Variants in NXPH1 observed in about 807,000 individuals in gnomAD.
NXPH1 encodes neurexophilin 1, also known as neurexophilin-1.
NXPH1 carries 5 observed loss-of-function variants against 23.7 expected under a neutral mutation model. That is an observed-to-expected ratio of 0.21 (90% CI 0.11 to 0.44). The LOEUF (loss-of-function observed/expected upper bound fraction) is 0.44, where lower values mean the gene tolerates loss of function less well. Among genes scored for constraint, NXPH1 ranks in the 20% least tolerant of loss-of-function variants. NXPH1 has a pLI of 0.99. For missense variants in NXPH1, 324 were observed against 321.6 expected, an observed-to-expected ratio of 1.01 and a Z score of -0.06; for synonymous variants, 144 against 122.2, an observed-to-expected ratio of 1.18 and a Z score of -1.18.
In NXPH1 at chr7:8,596,742, G is replaced by A. The variant is rs933476252; in HGVS notation, c.55-154266G>A. 1.1e-4 allele frequency among the ~76,000 whole-genome samples: 16 copies of A among 152,194 alleles called. 1 individual carries two copies. The highest frequency in any genetic ancestry group is 3.9e-4 in the African/African-American group (16 of 41,546). The stretch of plus-strand genomic sequence containing the variant: ...CAGAGAGGTTAGGTGACTTGCCCAG[G>A]TCATGCAGTTGATAAAGGCTGATGT... On this transcript the variant is annotated intron_variant, in intron 2 of 2. Coordinates refer to ENST00000405863, the MANE Select transcript of NXPH1 (RefSeq NM_152745.3).
intron 2 of NXPH1, among the ~76,000 whole-genome samples, chr7:8,674,412 C>G (rs1168694459): frequency 6.6e-6 from 1 of 152,110 alleles, no homozygotes; most frequent in Non-Finnish European, 1.5e-5. Context: ...TATTACACTT[C>G]TCTGTGGACC....
chr7:8,719,092 T>C (rs1779923910), intron 2 of NXPH1, among the ~76,000 whole-genome samples: 1 of 152,238 alleles, frequency 6.6e-6, no homozygotes. Context: ...ATTGACTTTG[T>C]TTTTGGCATA....
chr7:8,678,919 CT>C (rs1820999965), intron 2 of NXPH1, among the ~76,000 whole-genome samples: 1 of 100,960 alleles, frequency 9.9e-6, no homozygotes, highest in Non-Finnish European at 2.0e-5. Flanking sequence ...TTTATCTTTG[CT>C]TTATCCAATT....
At chr7:8,448,693 T>G (rs1162124646) in intron 2 of NXPH1, among the ~76,000 whole-genome samples, 16 of 152,032 alleles carry the variant, frequency 1.1e-4, no homozygotes, top group African/African-American at 2.4e-5. Context: ...GGCACATGCC[T>G]GTAGTCCCAG....
intron 2 of NXPH1, among the ~76,000 whole-genome samples, chr7:8,703,616 G>T (rs990947426): frequency 1.3e-5 from 2 of 152,088 alleles, no homozygotes; most frequent in African/African-American, 4.8e-5. Context: ...TGATTGAAAT[G>T]AAGTGTCTGC....
chr7:8,445,965 C>T (rs1193509585), intron 2 of NXPH1, among the ~76,000 whole-genome samples: 1 of 152,206 alleles, frequency 6.6e-6, no homozygotes, highest in Non-Finnish European at 1.5e-5. Context: ...TTCAACTGAA[C>T]TTTAGAAAAT....
At chr7:8,447,336 C>A (rs1345769981) in intron 2 of NXPH1, among the ~76,000 whole-genome samples, 1 of 152,198 alleles carries the variant, frequency 6.6e-6, no homozygotes, top group Admixed American at 6.5e-5. Context: ...GAGAAAGATG[C>A]AAGCCACTGC....
Position 8,609,317 on chromosome 7 carries a change from A to G in NXPH1, c.55-141691A>G, listed in dbSNP as rs994308532. On this transcript the variant is annotated intron_variant, in intron 2 of 2. Coordinates refer to ENST00000405863, the MANE Select transcript of NXPH1 (RefSeq NM_152745.3). ...CTATTCTAAAATTATGGCAGGCACT[A>G]TACGTAAGGGCTTTATAGTTTACAT... Among the ~76,000 whole-genome samples, 6 of 152,306 alleles carry G rather than the reference A, an allele frequency of 3.9e-5. No homozygotes were observed. The South Asian group carries it at 1.2e-3, about 32-fold the overall frequency.
At chr7:8,738,268 C>T (rs190511306) in intron 2 of NXPH1, among the ~76,000 whole-genome samples, 3 of 152,284 alleles carry the variant, frequency 2.0e-5, no homozygotes, top group African/African-American at 4.8e-5. Context: ...TCTTTATCTA[C>T]CTTTGGTCTT....
intron 2 of NXPH1, among the ~76,000 whole-genome samples, chr7:8,485,373 T>C (rs571763395): frequency 1.3e-5 from 2 of 152,284 alleles, no homozygotes; most frequent in South Asian, 4.1e-4. Context: ...ATGTCTTTAT[T>C]AGCAGCACGA....
chr7:8,526,887 A>C (rs1216328260), intron 2 of NXPH1, among the ~76,000 whole-genome samples: 1 of 152,200 alleles, frequency 6.6e-6, no homozygotes, highest in Non-Finnish European at 1.5e-5. Context: ...GAAGTAAGGC[A>C]CAGGTAAATA....
rs1818576728 is a variant in NXPH1 at position 8,568,013 on chromosome 7, C to A, written c.54+132246C>A. On this transcript the variant is annotated intron_variant, in intron 2 of 2. Coordinates refer to ENST00000405863, the MANE Select transcript of NXPH1 (RefSeq NM_152745.3). Reference sequence around the variant, plus strand: ...ATCTGTGTGGGTGAAAATAAGCTTGCTGAATTGCAGGGCGAGTCTTTTTTC... The same window carrying A: ...ATCTGTGTGGGTGAAAATAAGCTTGATGAATTGCAGGGCGAGTCTTTTTTC... Among the ~76,000 whole-genome samples, 4 of 151,840 alleles carry A rather than the reference C, an allele frequency of 2.6e-5. No homozygotes were observed. The South Asian group carries it at 8.3e-4, about 31-fold the overall frequency.
At chr7:8,583,977 T>G (rs555911414) in intron 2 of NXPH1, among the ~76,000 whole-genome samples, 1 of 152,152 alleles carries the variant, frequency 6.6e-6, no homozygotes, top group South Asian at 2.1e-4. Context: ...TCACAGAAAA[T>G]TTAACATGGC....
At chr7:8,607,872 C>T (rs1457495917) in intron 2 of NXPH1, among the ~76,000 whole-genome samples, 2 of 152,190 alleles carry the variant, frequency 1.3e-5, no homozygotes, top group African/African-American at 4.8e-5. Context: ...GTAAGGTGGA[C>T]TCTTAATCCA....
At chr7:8,603,339 G>A (rs1014642572) in intron 2 of NXPH1, among the ~76,000 whole-genome samples, 1 of 152,170 alleles carries the variant, frequency 6.6e-6, no homozygotes, top group African/African-American at 2.4e-5. Context: ...AGGTAGCAAG[G>A]TGTATTACAG....
rs185152980 is a variant in NXPH1, at chr7:8,638,482, T to C, written c.55-112526T>C. Among the ~76,000 whole-genome samples the C allele has an allele frequency of 9.5e-4, 145 of 152,300 alleles. 1 individual carries two copies. Among genetic ancestry groups the C allele is most frequent in the South Asian group, 5.0e-3 (24 of 4,828 alleles). On this transcript the variant is annotated intron_variant, in intron 2 of 2. Coordinates refer to ENST00000405863, the MANE Select transcript of NXPH1 (RefSeq NM_152745.3). ...CAGTAAACCAAGGAATTGTGTAAGA[T>C]ATTATATTAAAAAGTTGTAATCCAC...
At chr7:8,708,941 T>G (rs1779744923) in intron 2 of NXPH1, among the ~76,000 whole-genome samples, 1 of 152,148 alleles carries the variant, frequency 6.6e-6, no homozygotes, top group Non-Finnish European at 1.5e-5. Flanking sequence ...AATCTGCATT[T>G]TAACCAGAGG....
intron 2 of NXPH1, among the ~76,000 whole-genome samples, chr7:8,715,313 T>TGGGGG (rs1562463211): frequency 6.6e-6 from 1 of 152,000 alleles, no homozygotes; most frequent in Non-Finnish European, 1.5e-5. Flanking sequence ...GGGGATGGGG[T>TGGGGG]AAGGGTGGCA....
At chr7:8,692,161 C>A in intron 2 of NXPH1, among the ~76,000 whole-genome samples, 1 of 151,408 alleles carries the variant, frequency 6.6e-6, no homozygotes, top group East Asian at 1.9e-4. Flanking sequence ...GCTTTGTAAA[C>A]CAGGATAAAG....
Sources: gnomAD v4.1 joint callset for allele counts (sites outside exome capture counted in the v4.1 genomes callset) on GRCh38, gnomAD v4.1.1 for gene constraint, MANE v1.5 for transcripts, NCBI Gene and HGNC (gene_info 2026-07-23, HGNC 2026-07-21) for gene names.